LRP1B: variants seen among roughly 807,000 people sequenced by gnomAD.
The protein encoded by LRP1B is low-density lipoprotein receptor-related protein 1B.
In LRP1B, 217 loss-of-function variants were observed where a neutral mutation model predicts 556.6. The observed-to-expected ratio is 0.39, with a 90% CI of 0.35 to 0.44. LRP1B has a LOEUF of 0.44. Ranked by LOEUF, LRP1B falls within the 20% of genes least tolerant of loss-of-function variation. The probability of loss-of-function intolerance (pLI) is 1.00; values close to 1 mark genes in which losing one functional copy is unlikely to be tolerated. For missense variants in LRP1B, 5,053 were observed against 5,620.8 expected (o/e 0.90, Z 3.23); for synonymous variants, 2,047 against 1,865.8 (o/e 1.10, Z -2.50).
At chr2:140,893,526 C>T (rs1693860546) in intron 23 of LRP1B, among the ~76,000 whole-genome samples, 1 of 152,138 alleles carries the variant, frequency 6.6e-6, no homozygotes, top group Non-Finnish European at 1.5e-5. Flanking sequence ...AACCTCTCAC[C>T]CTGAGCAAAT....
chr2:140,235,372 GTAAT>G (rs1680650104), intron 89 of LRP1B, among the ~76,000 whole-genome samples: 1 of 28,178 alleles, frequency 3.5e-5, no homozygotes, highest in Non-Finnish European at 1.1e-4. Flanking sequence ...TTCTTCACAT[GTAAT>G]GTAATTTATA....
At chr2:140,567,423 C>T (rs1201989966) in intron 43 of LRP1B, among the ~76,000 whole-genome samples, 1 of 152,130 alleles carries the variant, frequency 6.6e-6, no homozygotes, top group Non-Finnish European at 1.5e-5. Flanking sequence ...TACTTTGCTC[C>T]TCACGCCCAA....
At chr2:140,632,771 C>T (rs1048848238) in intron 41 of LRP1B, among the ~76,000 whole-genome samples, 1 of 152,062 alleles carries the variant, frequency 6.6e-6, no homozygotes, top group African/African-American at 2.4e-5. Flanking sequence ...TCTACAAGAA[C>T]CCCACATTAG....
chr2:140,991,326 G>C (rs1432403952), intron 16 of LRP1B, among the ~76,000 whole-genome samples: 1 of 152,076 alleles, frequency 6.6e-6, no homozygotes, highest in Non-Finnish European at 1.5e-5. Flanking sequence ...ATAGAAAGTA[G>C]AATAACAAAA....
At chr2:140,345,821 T>TATATACATATATATATACAC (rs1681640151) in intron 77 of LRP1B, among the ~76,000 whole-genome samples, 2 of 141,126 alleles carry the variant, frequency 1.4e-5, no homozygotes, top group African/African-American at 2.6e-5. Flanking sequence ...TATATATACA[T>TATATACATATATATATACAC]ATATACATAT....
chr2:140,673,365 C>CT (rs759647088), intron 41 of LRP1B, among the ~76,000 whole-genome samples: 3 of 152,212 alleles, frequency 2.0e-5, no homozygotes, highest in East Asian at 3.9e-4. Flanking sequence ...TGCTTAATCT[C>CT]TTTTTTCTAG....
intron 41 of LRP1B, among the ~76,000 whole-genome samples, chr2:140,631,531 T>C (rs2890531): frequency 0.044 from 6,678 of 152,210 alleles, 179 homozygotes; most frequent in Middle Eastern, 0.065. Flanking sequence ...TTTAGATGGG[T>C]TCATCAGTTA....
chr2:141,782,512 T>TC (rs1461415241), intron 2 of LRP1B, among the ~76,000 whole-genome samples: 6 of 131,854 alleles, frequency 4.6e-5, no homozygotes, highest in Non-Finnish European at 7.9e-5. Flanking sequence ...TGTTCTATTT[T>TC]CCTTTTTTTT....
At chr2:141,782,185 G>T (rs1238549086) in intron 2 of LRP1B, among the ~76,000 whole-genome samples, 1 of 152,042 alleles carries the variant, frequency 6.6e-6, no homozygotes, top group Non-Finnish European at 1.5e-5. Context: ...TGATGTACTT[G>T]CCAGACATGA....
intron 6 of LRP1B, among the ~76,000 whole-genome samples, chr2:141,190,412 C>G (rs1241222067): frequency 6.6e-6 from 1 of 151,922 alleles, no homozygotes; most frequent in Non-Finnish European, 1.5e-5. Flanking sequence ...TTTAGAAGAG[C>G]TTATCTGTCT....
At chr2:141,482,505 T>G (rs1444131173) in intron 2 of LRP1B, among the ~76,000 whole-genome samples, 2 of 152,014 alleles carry the variant, frequency 1.3e-5, no homozygotes. Context: ...TCCATATATA[T>G]ATGTGTGTGT....
chr2:141,002,730 C>T (rs547011270), intron 15 of LRP1B, among the ~76,000 whole-genome samples: 1 of 152,026 alleles, frequency 6.6e-6, no homozygotes, highest in South Asian at 2.1e-4. Flanking sequence ...TCCATCTATC[C>T]TACACACCAG....
intron 1 of LRP1B, among the ~76,000 whole-genome samples, chr2:141,994,736 C>T (rs1232072023): frequency 6.6e-6 from 1 of 152,090 alleles, no homozygotes; most frequent in Non-Finnish European, 1.5e-5. Context: ...CAATTAATTG[C>T]CCATATATAA....
chr2:141,301,648 G>A (rs986107336), intron 3 of LRP1B, among the ~76,000 whole-genome samples: 1 of 152,136 alleles, frequency 6.6e-6, no homozygotes, highest in Non-Finnish European at 1.5e-5. Context: ...CAGAATATAA[G>A]TGGCCAATTT....
chr2:140,993,260 C>T (rs1354360532), intron 16 of LRP1B, among the ~76,000 whole-genome samples: 1 of 151,966 alleles, frequency 6.6e-6, no homozygotes, highest in African/African-American at 2.4e-5. Context: ...TCAACACATG[C>T]CTTCTTTTCA....
intron 2 of LRP1B, among the ~76,000 whole-genome samples, chr2:141,484,366 C>A (rs1216986535): frequency 1.3e-5 from 2 of 149,456 alleles, no homozygotes; most frequent in African/African-American, 2.4e-5. Context: ...GTTACTGTAG[C>A]CTTGTAGTAT....
intron 3 of LRP1B, among the ~76,000 whole-genome samples, chr2:141,455,195 T>A (rs1235756179): frequency 6.6e-6 from 1 of 151,252 alleles, no homozygotes; most frequent in Non-Finnish European, 1.5e-5. Flanking sequence ...ATGTATTTAA[T>A]CAATTATGGA....
intron 41 of LRP1B, among the ~76,000 whole-genome samples, chr2:140,691,465 C>A (rs1574246531): frequency 7.5e-6 from 1 of 133,294 alleles, no homozygotes; most frequent in African/African-American, 2.8e-5. Context: ...CCAGCCTGGG[C>A]AACGAGAGCA....
intron 6 of LRP1B, among the ~76,000 whole-genome samples, chr2:141,226,487 T>G (rs1683254999): frequency 6.6e-6 from 1 of 152,172 alleles, no homozygotes; most frequent in East Asian, 1.9e-4. Context: ...TGCAATGTTT[T>G]TCTTCTCATA....
Sources: gnomAD v4.1 joint callset for allele counts (sites outside exome capture counted in the v4.1 genomes callset) on GRCh38, gnomAD v4.1.1 for gene constraint, MANE v1.5 for transcripts, NCBI Gene and HGNC (gene_info 2026-07-23, HGNC 2026-07-21) for gene names.